The following DNAH14 variants were observed in gnomAD, a reference collection of about 807,000 sequenced individuals.
DNAH14 encodes axonemal beta dynein heavy chain 14.
DNAH14 carries 478 observed loss-of-function variants against 520.9 expected under a neutral mutation model. The observed-to-expected ratio is 0.92, with a 90% CI of 0.85 to 0.99. The LOEUF (loss-of-function observed/expected upper bound fraction) is 0.99. Ranked by LOEUF, DNAH14 falls within the 50% of genes least tolerant of loss-of-function variation. DNAH14 has a pLI of 0.00. For missense variants in DNAH14, 4,831 were observed against 5,234.5 expected, an observed-to-expected ratio of 0.92 and a Z score of 2.38; for synonymous variants, 1,581 against 1,757.2, an observed-to-expected ratio of 0.90 and a Z score of 2.51.
intron 35 of DNAH14, among the ~76,000 whole-genome samples, chr1:225,164,049 G>A (rs75343126): frequency 0.049 from 7,405 of 151,972 alleles, 285 homozygotes; most frequent in Non-Finnish European, 0.072. Flanking sequence ...AGTATATATA[G>A]GCTATTAATT....
At chr1:225,301,080 C>T (rs542971881) in intron 56 of DNAH14, 50 bp downstream of exon 56, 45 of 1,486,746 alleles carry the variant, frequency 3.0e-5, no homozygotes, top group Non-Finnish European at 3.7e-5. Context: ...AAAAGTAGAC[C>T]GTGTTTATAA....
At chr1:225,047,421 G>A (rs55708629) in intron 15 of DNAH14, among the ~76,000 whole-genome samples, 6,378 of 152,206 alleles carry the variant, frequency 0.042, 391 homozygotes, top group African/African-American at 0.13. Flanking sequence ...TACTTTTGCT[G>A]TATCTTTTCT....
chr1:225,089,725 C>T (rs1486867722), intron 21 of DNAH14, among the ~76,000 whole-genome samples: 2 of 151,998 alleles, frequency 1.3e-5, no homozygotes, highest in African/African-American at 4.8e-5. Flanking sequence ...ACAGGAAAAA[C>T]AGAAGATATT....
intron 23 of DNAH14, among the ~76,000 whole-genome samples, chr1:225,114,256 C>A (rs146853609): frequency 9.9e-4 from 151 of 152,198 alleles, no homozygotes; most frequent in African/African-American, 3.6e-3. Context: ...TCCCTTCTGA[C>A]CCAGAGTGTG....
intron 69 of DNAH14, among the ~76,000 whole-genome samples, 192 bp from the exon 70 acceptor site, chr1:225,345,770 G>A (rs1057440002): frequency 6.6e-6 from 1 of 152,038 alleles, no homozygotes; most frequent in Non-Finnish European, 1.5e-5. Context: ...TGAGGTGTAC[G>A]TACTATTAAT....
intron 64 of DNAH14, among the ~76,000 whole-genome samples, chr1:225,326,456 G>A (rs992265827): frequency 3.8e-4 from 57 of 150,348 alleles, no homozygotes; most frequent in African/African-American, 1.4e-3. Context: ...AGTTTGAAGA[G>A]AAGGTATGGG....
intron 55 of DNAH14, 112 bp downstream of exon 55, chr1:225,290,194 T>C (rs2093835651): frequency 1.4e-6 from 1 of 715,056 alleles, no homozygotes; most frequent in South Asian, 4.1e-5. Context: ...TCAATGGTTC[T>C]ATTACCCTAC....
At chr1:225,032,234 C>A (rs539591078) in intron 11 of DNAH14, among the ~76,000 whole-genome samples, 1 of 152,148 alleles carries the variant, frequency 6.6e-6, no homozygotes, top group East Asian at 1.9e-4. Flanking sequence ...CTCCTTCTAC[C>A]TTCCTGGCTC....
intron 43 of DNAH14, among the ~76,000 whole-genome samples, chr1:225,249,729 C>T (rs1239114122): frequency 1.3e-5 from 2 of 152,208 alleles, no homozygotes; most frequent in Admixed American, 1.3e-4. Flanking sequence ...CCATTATGAT[C>T]TCCGTTCCCA....
Position 225,031,639 on chromosome 1 carries a change from C to T in DNAH14, c.1359-7055C>T, listed in dbSNP as rs989909010. On this transcript the variant is annotated intron_variant, in intron 11 of 85. Coordinates refer to ENST00000682510, the MANE Select transcript of DNAH14 (RefSeq NM_001367479.1). ...AACCAGCTATTCTTACAGGCTAATA[C>T]AAATTATTTTTGTTACTTTTATCAC... 5.9e-5 allele frequency among the ~76,000 whole-genome samples: 9 copies of T among 151,796 alleles called. No individual in the cohort carries two copies. The East Asian group carries it at 1.7e-3, about 29-fold the overall frequency.
At chr1:225,128,922 T>C (rs938837508) in intron 27 of DNAH14, among the ~76,000 whole-genome samples, 8 of 148,730 alleles carry the variant, frequency 5.4e-5, no homozygotes, top group Non-Finnish European at 8.9e-5. Flanking sequence ...AAAACCCCAT[T>C]GTCTCAGCCC....
intron 42 of DNAH14, among the ~76,000 whole-genome samples, chr1:225,239,429 G>A (rs1040336102): frequency 6.6e-6 from 1 of 152,102 alleles, no homozygotes; most frequent in Non-Finnish European, 1.5e-5. Flanking sequence ...GGGTGGAAGG[G>A]GGTTCCTTTG....
At chr1:225,145,024 A>T (rs1217530889) in intron 29 of DNAH14, among the ~76,000 whole-genome samples, 2 of 152,142 alleles carry the variant, frequency 1.3e-5, no homozygotes, top group African/African-American at 4.8e-5. Flanking sequence ...AAGCAGTAGT[A>T]GTTACTGATG....
At chr1:225,027,036 A>T (rs2066169470) in intron 11 of DNAH14, among the ~76,000 whole-genome samples, 1 of 151,830 alleles carries the variant, frequency 6.6e-6, no homozygotes, top group East Asian at 1.9e-4. Flanking sequence ...AATTATTTTT[A>T]AATTTTATTT....
chr1:225,071,709 C>T (rs2071566017), intron 17 of DNAH14, among the ~76,000 whole-genome samples: 1 of 152,150 alleles, frequency 6.6e-6, no homozygotes, highest in Non-Finnish European at 1.5e-5. Flanking sequence ...GTGAAGGCCT[C>T]AGGAAACTTA....
intron 26 of DNAH14, among the ~76,000 whole-genome samples, chr1:225,123,106 A>T (rs1275206726): frequency 6.6e-6 from 1 of 152,168 alleles, no homozygotes; most frequent in African/African-American, 2.4e-5. Flanking sequence ...TTTTTCATGA[A>T]TCCTATTCTG....
In DNAH14 at chr1:225,051,769, GAA is replaced by G; in HGVS notation, c.2404_2405del (p.Lys802GlufsTer18). Reference protein sequence around the residue: ...MSHTLIQSVIEKKNKNLLEVV... With the variant: ...MSHTLIQSVIXKKNKNLLEVV... The stretch of plus-strand genomic sequence containing the variant: ...CCACACCCTCATACAATCTGTAATT[GAA>G]AAAAAGAACAAAAATTTATTGGAAG... On this transcript the variant is annotated frameshift_variant, in exon 17 of 86. Transcript: ENST00000682510. LOFTEE classifies it high-confidence loss of function. 1 of 1,491,396 alleles carries G rather than the reference GAA, an allele frequency of 6.7e-7. No homozygotes were observed. The highest frequency in any genetic ancestry group is 8.9e-7 in the Non-Finnish European group (1 of 1,120,764). The allele number at this position is 1,491,396 out of a possible 1,614,324, so 92.4% of individuals were successfully genotyped here.
At chr1:225,304,013 G>GA (rs148160307) in intron 57 of DNAH14, among the ~76,000 whole-genome samples, 5,487 of 151,052 alleles carry the variant, frequency 0.036, 297 homozygotes, top group African/African-American at 0.12. Context: ...AGAACCAGAA[G>GA]AAAAAAAAAT....
In DNAH14 at chr1:225,305,665, T is replaced by C. The variant is rs535877524; in HGVS notation, c.9005+576T>C. On this transcript the variant is annotated intron_variant, in intron 58 of 85. Transcript: ENST00000682510. Reference sequence around the variant, plus strand: ...CCCACATTTTCATGTTCTAGAAAGATCAGGGGTGTCCTGCCAACACTTAGA... The same window carrying C: ...CCCACATTTTCATGTTCTAGAAAGACCAGGGGTGTCCTGCCAACACTTAGA... 5.2e-4 allele frequency among the ~76,000 whole-genome samples: 79 copies of C among 152,280 alleles called. 1 individual carries two copies. The highest frequency in any genetic ancestry group is 1.8e-3 in the African/African-American group (74 of 41,550).
Sources: allele counts gnomAD v4.1 joint callset (sites outside exome capture counted in the v4.1 genomes callset), GRCh38; gene constraint gnomAD v4.1.1; transcripts MANE v1.5; gene names NCBI Gene and HGNC (gene_info 2026-07-23, HGNC 2026-07-21).